The following MBD2 variants were observed in gnomAD, a reference collection of about 807,000 sequenced individuals.
MBD2 encodes methyl-CpG-binding domain protein 2.
Under a neutral mutation model 39.3 loss-of-function variants are expected in MBD2, and 9 were observed. The observed-to-expected ratio is 0.23, with a 90% CI of 0.14 to 0.40. The LOEUF (loss-of-function observed/expected upper bound fraction) is 0.40. Among genes scored for constraint, MBD2 ranks in the 10% least tolerant of loss-of-function variants. MBD2 has a pLI of 1.00. For missense variants in MBD2, 458 were observed against 532.6 expected, an observed-to-expected ratio of 0.86 and a Z score of 1.38; for synonymous variants, 233 against 211.1, an observed-to-expected ratio of 1.10 and a Z score of -0.90.
At chr18:54,205,730 C>T (rs1272300816) in intron 1 of MBD2, among the ~76,000 whole-genome samples, 1 of 152,118 alleles carries the variant, frequency 6.6e-6, no homozygotes, top group Non-Finnish European at 1.5e-5. Context: ...CAGCCTATCC[C>T]ACTGGTCACT....
rs1216473987 is a variant in MBD2, at chr18:54,224,291, C to G, written c.269G>C (p.Arg90Pro). The change falls in exon 1 of 7, where the codon CGG becomes CCG. Residue 90 changes from arginine (R) to proline (P), a missense_variant. Arg to Pro is a moderately radical substitution (Grantham distance 103). This residue lies in a region of MBD2 where 269 missense variants were observed against 236.0 expected (regional missense o/e 1.14). Coordinates refer to ENST00000256429, the MANE Select transcript of MBD2 (RefSeq NM_003927.5). ...CGGGGGACGGCCGCGGCCCCGGCCC[C>G]GGCCCCGTCCCCGTCCCCGGCCACG... is the stretch of plus-strand genomic sequence containing the variant. ...RGRGRGRGRG[R>P]GRGRGRPPSG... is the part of the protein sequence containing the mutation. The G allele has an allele frequency of 1.6e-5, 15 of 950,174 alleles. No individual in the cohort carries two copies. Among genetic ancestry groups the G allele is most frequent in the African/African-American group, 1.8e-5 (1 of 55,644 alleles). 58.9% of individuals were successfully genotyped at this position (950,174 alleles called of 1,614,324 possible). A position where few individuals can be genotyped will look rare whatever the true frequency, so the allele number is the denominator to read the frequency against.
intron 3 of MBD2, among the ~76,000 whole-genome samples, chr18:54,177,485 CTT>C (rs777049215): frequency 6.9e-6 from 1 of 145,272 alleles, no homozygotes. Flanking sequence ...AAATTAATTC[CTT>C]TTTTTTTTTT....
At chr18:54,155,545 G>A (rs1052113953) in intron 6 of MBD2, among the ~76,000 whole-genome samples, 1 of 152,042 alleles carries the variant, frequency 6.6e-6, no homozygotes, top group Non-Finnish European at 1.5e-5. Context: ...ATTTTCCAAA[G>A]AAATCATATG....
At chr18:54,205,530 G>A (rs2086442370) in intron 1 of MBD2, among the ~76,000 whole-genome samples, 1 of 149,206 alleles carries the variant, frequency 6.7e-6, no homozygotes, top group Non-Finnish European at 1.5e-5. Flanking sequence ...GGTGGAGGTT[G>A]CAGTGAGCCA....
chr18:54,197,513 T>C (rs981614130), intron 2 of MBD2, among the ~76,000 whole-genome samples: 3 of 152,228 alleles, frequency 2.0e-5, no homozygotes, highest in African/African-American at 7.2e-5. Context: ...ACCTCAAATG[T>C]TGAATATTTA....
chr18:54,210,866 ATTT>A lies in MBD2; in HGVS notation c.543-5712_543-5710del, dbSNP rs74180457. 8.8e-3 allele frequency among the ~76,000 whole-genome samples: 877 copies of A among 99,354 alleles called. 7 individuals are homozygous for A. The highest frequency in any genetic ancestry group is 0.035 in the African/African-American group (810 of 23,090). 65.2% of individuals were successfully genotyped at this position (99,354 alleles called of 152,430 possible). A position where few individuals can be genotyped will look rare whatever the true frequency, so the allele number is the denominator to read the frequency against. The stretch of plus-strand genomic sequence containing the variant: ...AGACTAAAAGAAACATCAACTTTCT[ATTT>A]TTTTTTTTTTTTTTTTTTTTGAGAC... On this transcript the variant is annotated intron_variant, in intron 1 of 6. Coordinates refer to ENST00000256429, the MANE Select transcript of MBD2 (RefSeq NM_003927.5).
chr18:54,204,974 C>T, intron 2 of MBD2, 24 bp downstream of exon 2: 2 of 1,606,134 alleles, frequency 1.2e-6, no homozygotes, highest in Non-Finnish European at 1.7e-6. Context: ...GTAGCATATA[C>T]ATGCGATAAG....
rs142836302 is a variant in MBD2 at position 54,158,691 on chromosome 18, G to A, written c.*12+1074C>T. Reference sequence around the variant, plus strand: ...GGCTGGAGTGTAGTGGCACAATCTCGGCTCACTGCAACCTCTGCCTCCCGG... The same window carrying A: ...GGCTGGAGTGTAGTGGCACAATCTCAGCTCACTGCAACCTCTGCCTCCCGG... On this transcript the variant is annotated intron_variant, in intron 6 of 6. Transcript: ENST00000256429. 5.6e-3 allele frequency among the ~76,000 whole-genome samples: 857 copies of A among 152,138 alleles called. 9 individuals carry two copies. The highest frequency in any genetic ancestry group is 0.019 in the African/African-American group (783 of 41,504).
intron 2 of MBD2, among the ~76,000 whole-genome samples, chr18:54,196,136 G>A (rs2086364621): frequency 6.6e-6 from 1 of 152,104 alleles, no homozygotes; most frequent in African/African-American, 2.4e-5. Flanking sequence ...ACTAATTTGT[G>A]CAACTTCATA....
intron 3 of MBD2, among the ~76,000 whole-genome samples, chr18:54,188,159 A>C (rs888688713): frequency 6.6e-6 from 1 of 152,154 alleles, no homozygotes; most frequent in Non-Finnish European, 1.5e-5. Context: ...AATTGCTACT[A>C]AAAATTCATG....
At chr18:54,155,927 A>G (rs2086048798) in intron 6 of MBD2, among the ~76,000 whole-genome samples, 1 of 152,198 alleles carries the variant, frequency 6.6e-6, no homozygotes, top group Admixed American at 6.5e-5. Context: ...TTACTTAAGT[A>G]AAATTTAAGT....
At chr18:54,219,401 C>T (rs370818602) in intron 1 of MBD2, among the ~76,000 whole-genome samples, 10 of 152,070 alleles carry the variant, frequency 6.6e-5, no homozygotes, top group African/African-American at 2.2e-4. Flanking sequence ...ATTGGTAAAC[C>T]CTTATTTAGC....
chr18:54,223,968 C>A (rs935275383), intron 1 of MBD2, 50 bp downstream of exon 1: 14 of 1,477,276 alleles, frequency 9.5e-6, no homozygotes, highest in Non-Finnish European at 1.3e-5. Flanking sequence ...GCTCTTGACC[C>A]CTGACCCCGG....
Position 54,152,647 on chromosome 18 carries a change from G to A in MBD2, c.*2677C>T, listed in dbSNP as rs2086028882. 6.6e-6 allele frequency: 1 copy of A among 152,230 alleles called. No individual in the cohort carries two copies. Among genetic ancestry groups the A allele is most frequent in the South Asian group, 2.1e-4 (1 of 4,838 alleles). 9.4% of individuals were successfully genotyped at this position (152,230 alleles called of 1,614,324 possible). A position where few individuals can be genotyped will look rare whatever the true frequency, so the allele number is the denominator to read the frequency against. ...TGCTGAGGCAGAAAATAGTGTCACA[G>A]GGATAGGCGGTAGTTAGGGTTATTA... is the stretch of plus-strand genomic sequence containing the variant. On this transcript the variant is annotated 3_prime_UTR_variant, in exon 7 of 7. Transcript: ENST00000256429.
At chr18:54,212,800 C>A (rs948391743) in intron 1 of MBD2, among the ~76,000 whole-genome samples, 2 of 151,804 alleles carry the variant, frequency 1.3e-5, no homozygotes, top group Non-Finnish European at 2.9e-5. Flanking sequence ...GAAGCCGAGG[C>A]GGACAGATCA....
chr18:54,168,583 A>ATATATATATG (rs1210550017), intron 3 of MBD2, among the ~76,000 whole-genome samples: 4 of 60,598 alleles, frequency 6.6e-5, no homozygotes, highest in African/African-American at 3.4e-4. Context: ...ATATATATAT[A>ATATATATATG]TATATATATA....
At chr18:54,191,505 G>T (rs2086319945) in intron 2 of MBD2, among the ~76,000 whole-genome samples, 2 of 152,174 alleles carry the variant, frequency 1.3e-5, no homozygotes, top group Non-Finnish European at 2.9e-5. Context: ...ACTGGACTTG[G>T]TTTGGCAACA....
chr18:54,171,670 G>C (rs888712882), intron 3 of MBD2, among the ~76,000 whole-genome samples: 7 of 152,204 alleles, frequency 4.6e-5, no homozygotes, highest in Non-Finnish European at 1.0e-4. Flanking sequence ...ACTATGCCCA[G>C]TCATACTGTC....
intron 4 of MBD2, 138 bp from the exon 5 acceptor site, chr18:54,164,838 G>T (rs764239860): frequency 3.3e-6 from 2 of 601,366 alleles, no homozygotes; most frequent in African/African-American, 3.7e-5. Flanking sequence ...AGCAGCAAAA[G>T]ATAATATATC....
Sources: allele counts gnomAD v4.1 joint callset (sites outside exome capture counted in the v4.1 genomes callset), GRCh38; gene constraint gnomAD v4.1.1; regional missense constraint gnomAD v4.1.1; transcripts MANE v1.5; gene names NCBI Gene and HGNC (gene_info 2026-07-23, HGNC 2026-07-21).